The following CACNA2D3 variants were observed in gnomAD, a reference collection of about 807,000 sequenced individuals.
CACNA2D3 encodes the protein voltage-dependent calcium channel subunit alpha-2/delta-3.
A neutral mutation model predicts 160.6 loss-of-function variants in CACNA2D3; 60 were observed. The ratio of observed to expected loss-of-function variants is 0.37; its 90% CI spans 0.30 to 0.46. The LOEUF (loss-of-function observed/expected upper bound fraction) is 0.46. Ranked by LOEUF, CACNA2D3 falls within the 20% of genes least tolerant of loss-of-function variation. The pLI, the probability that CACNA2D3 is intolerant of heterozygous loss-of-function variation, is 1.00. For missense variants in CACNA2D3, 1,205 were observed against 1,365.0 expected (o/e 0.88, Z 1.85); for synonymous variants, 558 against 492.9 (o/e 1.13, Z -1.75).
Position 54,626,383 on chromosome 3 carries a change from A to T in CACNA2D3, c.964-1404A>T, listed in dbSNP as rs945132839. Reference sequence around the variant, plus strand: ...GCGGCGGAAGCAGCACTCCCTGCTGAAGTGCCTGCGCAAGGCCAAGAAGGA... The same window carrying T: ...GCGGCGGAAGCAGCACTCCCTGCTGTAGTGCCTGCGCAAGGCCAAGAAGGA... On this transcript the variant is annotated intron_variant, in intron 9 of 37. Coordinates refer to ENST00000474759, the MANE Select transcript of CACNA2D3 (RefSeq NM_018398.3). The T allele has an allele frequency of 4.5e-6, 7 of 1,567,452 alleles. No homozygotes were observed. The African/African-American group carries it at 9.4e-5, about 21-fold the overall frequency.
At chr3:54,420,615 T>G (rs1375552273) in intron 4 of CACNA2D3, among the ~76,000 whole-genome samples, 1 of 152,180 alleles carries the variant, frequency 6.6e-6, no homozygotes, top group Non-Finnish European at 1.5e-5. Context: ...GCCTTACACT[T>G]TAGACTGTTA....
chr3:54,655,388 C>T (rs1445443032), intron 11 of CACNA2D3, among the ~76,000 whole-genome samples: 1 of 152,234 alleles, frequency 6.6e-6, no homozygotes, highest in Non-Finnish European at 1.5e-5. Context: ...AGGCACAGTA[C>T]ACAATGGCTA....
At chr3:54,280,333 G>A (rs1243499908) in intron 2 of CACNA2D3, among the ~76,000 whole-genome samples, 2 of 152,052 alleles carry the variant, frequency 1.3e-5, no homozygotes, top group Non-Finnish European at 2.9e-5. Context: ...CGCCCTCCTC[G>A]GCCTCCCAAA....
chr3:54,269,022 T>C (rs942588881), intron 2 of CACNA2D3, among the ~76,000 whole-genome samples: 4 of 152,136 alleles, frequency 2.6e-5, no homozygotes, highest in African/African-American at 9.7e-5. Flanking sequence ...CAGGAGGACC[T>C]GATGTGGAGA....
chr3:54,133,223 TATATC>T (rs1429312463), intron 2 of CACNA2D3, among the ~76,000 whole-genome samples: 4 of 152,218 alleles, frequency 2.6e-5, no homozygotes, highest in African/African-American at 9.6e-5. Flanking sequence ...TTATTTATGA[TATATC>T]ATTTAATTTC....
intron 3 of CACNA2D3, among the ~76,000 whole-genome samples, chr3:54,348,826 C>G (rs1422426584): frequency 6.6e-6 from 1 of 151,534 alleles, no homozygotes; most frequent in Non-Finnish European, 1.5e-5. Flanking sequence ...CCTCCCAGTT[C>G]AAGCACTTCT....
intron 35 of CACNA2D3, among the ~76,000 whole-genome samples, chr3:55,025,360 G>A (rs1032646112): frequency 2.0e-5 from 3 of 151,986 alleles, no homozygotes; most frequent in South Asian, 2.1e-4. Flanking sequence ...GGCTGGGCGC[G>A]GTGGCTCACA....
At chr3:54,471,849 A>G (rs1700737534) in intron 4 of CACNA2D3, among the ~76,000 whole-genome samples, 2 of 152,210 alleles carry the variant, frequency 1.3e-5, no homozygotes, top group African/African-American at 4.8e-5. Context: ...AGACTAAACC[A>G]GGAAGAAGTC....
Position 54,537,948 on chromosome 3 carries a change from G to A in CACNA2D3, c.545-24852G>A, listed in dbSNP as rs991742473. On this transcript the variant is annotated intron_variant, in intron 5 of 37. Transcript: ENST00000474759. The stretch of plus-strand genomic sequence containing the variant: ...TCCATGCAGAAATCTGAGAGGGCTC[G>A]TGGTTCCTCTCTGTGACCCACACTG... 2.6e-5 allele frequency among the ~76,000 whole-genome samples: 4 copies of A among 152,240 alleles called. 1 individual carries two copies. Among genetic ancestry groups the A allele is most frequent in the South Asian group, 4.1e-4 (2 of 4,826 alleles).
intron 2 of CACNA2D3, among the ~76,000 whole-genome samples, chr3:54,198,973 T>G (rs1424080677): frequency 6.6e-6 from 1 of 152,266 alleles, no homozygotes. Context: ...ATTCCATTTC[T>G]TTTCTTCCTG....
chr3:54,512,486 G>T (rs1278576631), intron 5 of CACNA2D3, among the ~76,000 whole-genome samples: 1 of 152,236 alleles, frequency 6.6e-6, no homozygotes, highest in Admixed American at 6.5e-5. Context: ...GCTTATGCCT[G>T]GGAATATCTC....
chr3:54,775,803 C>A (rs1702414753), intron 13 of CACNA2D3, among the ~76,000 whole-genome samples: 2 of 152,198 alleles, frequency 1.3e-5, no homozygotes, highest in South Asian at 4.1e-4. Context: ...GGCAAGAGAA[C>A]CCACTCAAGC....
intron 3 of CACNA2D3, among the ~76,000 whole-genome samples, chr3:54,330,738 A>C (rs1230776569): frequency 6.6e-6 from 1 of 152,202 alleles, no homozygotes; most frequent in South Asian, 2.1e-4. Flanking sequence ...TTGGCCAGCC[A>C]GTGGGTGGCC....
At chr3:54,811,761 A>G (rs1703326084) in intron 13 of CACNA2D3, among the ~76,000 whole-genome samples, 1 of 151,998 alleles carries the variant, frequency 6.6e-6, no homozygotes, top group Non-Finnish European at 1.5e-5. Flanking sequence ...TCGGCCTCCC[A>G]AAGTGCTGGG....
At chr3:54,724,722 T>C (rs950028302) in intron 11 of CACNA2D3, among the ~76,000 whole-genome samples, 2 of 152,100 alleles carry the variant, frequency 1.3e-5, no homozygotes, top group Admixed American at 6.5e-5. Context: ...TTGAAACCAA[T>C]GAGAATGAAG....
intron 9 of CACNA2D3, among the ~76,000 whole-genome samples, chr3:54,611,150 C>T (rs1434457979): frequency 1.3e-5 from 2 of 152,190 alleles, no homozygotes; most frequent in African/African-American, 2.4e-5. Context: ...GTGTCAAAGT[C>T]ACAACTCCAC....
intron 2 of CACNA2D3, among the ~76,000 whole-genome samples, chr3:54,292,944 G>A (rs1041641638): frequency 1.3e-5 from 2 of 152,130 alleles, no homozygotes. Context: ...ATCAACAGAT[G>A]AGTGAATTAA....
chr3:54,128,974 C>G (rs759877990), intron 2 of CACNA2D3, among the ~76,000 whole-genome samples: 3 of 152,140 alleles, frequency 2.0e-5, no homozygotes, highest in African/African-American at 4.8e-5. Context: ...GGAAAAGTTC[C>G]TAATGTCAGG....
intron 4 of CACNA2D3, among the ~76,000 whole-genome samples, chr3:54,488,403 T>C (rs1261363493): frequency 1.3e-5 from 2 of 152,068 alleles, no homozygotes; most frequent in Admixed American, 1.3e-4. Flanking sequence ...TGAGGGCTTT[T>C]TGGGTCATGA....
Sources: allele counts gnomAD v4.1 joint callset (sites outside exome capture counted in the v4.1 genomes callset), GRCh38; gene constraint gnomAD v4.1.1; transcripts MANE v1.5; gene names NCBI Gene and HGNC (gene_info 2026-07-23, HGNC 2026-07-21).